Variants in OXCT1 observed in about 807,000 individuals in gnomAD.
OXCT1 encodes succinyl-CoA:3-ketoacid coenzyme A transferase 1, mitochondrial.
Under a neutral mutation model 69.6 loss-of-function variants are expected in OXCT1, and 27 were observed. That is an observed-to-expected ratio of 0.39 (90% CI 0.29 to 0.54). OXCT1 has a LOEUF of 0.54. OXCT1 is among the 20% of genes least tolerant of loss of function. OXCT1 has a pLI of 0.72. For synonymous variants in OXCT1, 202 were observed against 217.8 expected (o/e 0.93, Z 0.64); for missense variants, 437 against 650.2 (o/e 0.67, Z 3.57).
chr5:41,822,750 A>G (rs1406843074), intron 7 of OXCT1, among the ~76,000 whole-genome samples: 2 of 152,204 alleles, frequency 1.3e-5, no homozygotes, highest in Admixed American at 1.3e-4. Flanking sequence ...GGTCTGAGCC[A>G]CCGTGCCCAG....
At chr5:41,850,268 G>T in intron 4 of OXCT1, 89 bp from the exon 5 acceptor site, 1 of 1,432,288 alleles carries the variant, frequency 7.0e-7, no homozygotes, top group Non-Finnish European at 9.7e-7. Flanking sequence ...CTACTATCTA[G>T]AGGCTTATAA....
intron 10 of OXCT1, 86 bp downstream of exon 10, chr5:41,802,983 T>G: frequency 5.2e-6 from 5 of 960,268 alleles, no homozygotes; most frequent in Non-Finnish European, 8.3e-6. Context: ...GCTATTGAAA[T>G]AAAAAAATTT....
intron 14 of OXCT1, among the ~76,000 whole-genome samples, chr5:41,757,005 G>C (rs943509045): frequency 1.3e-5 from 2 of 152,016 alleles, no homozygotes; most frequent in African/African-American, 4.8e-5. Context: ...ACAAACCATG[G>C]AAGTCTTGGA....
At chr5:41,859,514 T>C (rs1232386095) in intron 3 of OXCT1, among the ~76,000 whole-genome samples, 1 of 152,140 alleles carries the variant, frequency 6.6e-6, no homozygotes, top group Non-Finnish European at 1.5e-5. Context: ...GTATTAGCCA[T>C]GATTTCAGAA....
At chr5:41,813,023 A>G (rs1228655253) in intron 7 of OXCT1, among the ~76,000 whole-genome samples, 3 of 152,072 alleles carry the variant, frequency 2.0e-5, no homozygotes, top group African/African-American at 7.2e-5. Flanking sequence ...AAAGAATTGG[A>G]CAGCAGTCTA....
rs1746109841 is a variant in OXCT1 at position 41,794,982 on chromosome 5, G to A, written c.1100-233C>T. Among the ~76,000 whole-genome samples the A allele has an allele frequency of 2.0e-5, 3 of 152,292 alleles. 1 individual carries two copies. The South Asian group carries it at 6.2e-4, about 32-fold the overall frequency. ...GATAATGAAAAGCAGACCACTTTTA[G>A]TTTTCTTATTGTTTGGAAATTCTCT... On this transcript the variant is annotated intron_variant, in intron 11 of 16. Transcript: ENST00000196371.
chr5:41,811,488 T>A (rs1746984586), intron 7 of OXCT1, among the ~76,000 whole-genome samples: 1 of 151,788 alleles, frequency 6.6e-6, no homozygotes, highest in Admixed American at 6.6e-5. Flanking sequence ...AAAGAGGAGG[T>A]CAGCATGTAA....
chr5:41,847,548 C>T (rs1208004988), intron 5 of OXCT1, among the ~76,000 whole-genome samples: 5 of 151,136 alleles, frequency 3.3e-5, no homozygotes, highest in African/African-American at 4.9e-5. Context: ...ACTGGCAAAC[C>T]GAATCCAGCA....
At chr5:41,863,619 A>C (rs897321657) in intron 1 of OXCT1, among the ~76,000 whole-genome samples, 1 of 152,226 alleles carries the variant, frequency 6.6e-6, no homozygotes, top group Non-Finnish European at 1.5e-5. Flanking sequence ...CTTCTATTAC[A>C]TAAGGGAAAG....
intron 13 of OXCT1, among the ~76,000 whole-genome samples, chr5:41,763,157 C>T (rs1007290124): frequency 3.3e-5 from 5 of 152,100 alleles, no homozygotes; most frequent in African/African-American, 1.2e-4. Context: ...GGCTTTAAAA[C>T]ACGGTCTCGA....
At chr5:41,852,795 G>C (rs1749240199) in intron 4 of OXCT1, among the ~76,000 whole-genome samples, 1 of 152,158 alleles carries the variant, frequency 6.6e-6, no homozygotes, top group African/African-American at 2.4e-5. Flanking sequence ...AGAAATTGGA[G>C]AGGCATGGTG....
At chr5:41,837,061 C>T (rs1393800221) in intron 7 of OXCT1, among the ~76,000 whole-genome samples, 1 of 152,052 alleles carries the variant, frequency 6.6e-6, no homozygotes, top group Non-Finnish European at 1.5e-5. Flanking sequence ...TGTTCCTTTG[C>T]CACCCTGCTT....
chr5:41,842,730 C>A lies in OXCT1; in HGVS notation c.616G>T (p.Asp206Tyr). 2 of 1,613,904 alleles carry A rather than the reference C, an allele frequency of 1.2e-6. No individual in the cohort carries two copies. The highest frequency in any genetic ancestry group is 1.3e-5 in the African/African-American group (1 of 75,032). The change falls in exon 6 of 17, where the codon GAT becomes TAT. Residue 206 changes from aspartate (D) to tyrosine (Y), a missense_variant. Asp to Tyr is a radical substitution (Grantham distance 160). Coordinates refer to ENST00000196371, the MANE Select transcript of OXCT1 (RefSeq NM_000436.4). ...TTCCAGGCTTTCACCAAAGCAAAAT[C>A]CCCTGTAATTGCTTCCTCCAAAATA... Reference protein sequence around the residue: ...HFILEEAITGDFALVKAWKAD... With the variant: ...HFILEEAITGYFALVKAWKAD...
At chr5:41,846,737 T>C (rs1212374609) in intron 5 of OXCT1, among the ~76,000 whole-genome samples, 3 of 152,302 alleles carry the variant, frequency 2.0e-5, no homozygotes, top group Non-Finnish European at 2.9e-5. Context: ...AACTAGTTTA[T>C]AGTCCCACCA....
intron 15 of OXCT1, among the ~76,000 whole-genome samples, chr5:41,741,027 T>TGCAACC (rs1229470515): frequency 6.6e-6 from 1 of 151,354 alleles, no homozygotes; most frequent in Non-Finnish European, 1.5e-5. Flanking sequence ...CTCTGCTCAC[T>TGCAACC]GCAACCTCTG....
intron 16 of OXCT1, among the ~76,000 whole-genome samples, chr5:41,738,838 C>G (rs1330637806): frequency 6.6e-6 from 1 of 152,162 alleles, no homozygotes; most frequent in African/African-American, 2.4e-5. Flanking sequence ...ACGTATTTAT[C>G]TGCTTTGTAA....
Position 41,828,094 on chromosome 5 carries a change from G to A in OXCT1, c.732+12357C>T, listed in dbSNP as rs147595799. On this transcript the variant is annotated intron_variant, in intron 7 of 16. Coordinates refer to ENST00000196371, the MANE Select transcript of OXCT1 (RefSeq NM_000436.4). Reference sequence around the variant, plus strand: ...CCTGGTTACTGACATTCATCTGGCTGTGCAATTTTTTTTTGTTTTGTTTTG... The same window carrying A: ...CCTGGTTACTGACATTCATCTGGCTATGCAATTTTTTTTTGTTTTGTTTTG... 4.9e-3 allele frequency among the ~76,000 whole-genome samples: 748 copies of A among 152,182 alleles called. 8 individuals carry two copies. The highest frequency in any genetic ancestry group is 0.017 in the African/African-American group (701 of 41,532).
intron 1 of OXCT1, among the ~76,000 whole-genome samples, chr5:41,866,971 G>A (rs1428413740): frequency 6.6e-6 from 1 of 152,228 alleles, no homozygotes; most frequent in Non-Finnish European, 1.5e-5. Context: ...CAGACATGCG[G>A]GATCAGGTCT....
At chr5:41,853,274 C>T (rs1031188201) in intron 4 of OXCT1, 145 bp downstream of exon 4, 4 of 671,360 alleles carry the variant, frequency 6.0e-6, no homozygotes, top group Non-Finnish European at 7.8e-6. Context: ...CAGCAATCAA[C>T]AGGTGTGAGT....
Sources: gnomAD v4.1 joint callset for allele counts (sites outside exome capture counted in the v4.1 genomes callset) on GRCh38, gnomAD v4.1.1 for gene constraint, MANE v1.5 for transcripts, NCBI Gene and HGNC (gene_info 2026-07-23, HGNC 2026-07-21) for gene names.